Variants in SLC38A4 observed in about 807,000 individuals in gnomAD.
SLC38A4 encodes the protein solute carrier family 38 member 4.
Under a neutral mutation model 63.1 loss-of-function variants are expected in SLC38A4, and 20 were observed. That is an observed-to-expected ratio of 0.32 (90% CI 0.22 to 0.46). SLC38A4 has a LOEUF of 0.46. Among genes scored for constraint, SLC38A4 ranks in the 20% least tolerant of loss-of-function variants. SLC38A4 has a pLI of 1.00. For synonymous variants in SLC38A4, 230 were observed against 225.5 expected, an observed-to-expected ratio of 1.02 and a Z score of -0.18; for missense variants, 526 against 663.6, an observed-to-expected ratio of 0.79 and a Z score of 2.28.
chr12:46,817,650 C>G (rs1228339625), intron 1 of SLC38A4, among the ~76,000 whole-genome samples: 1 of 151,840 alleles, frequency 6.6e-6, no homozygotes, highest in African/African-American at 2.4e-5. Flanking sequence ...AGCCTTTGGA[C>G]AAAAGGATCT....
At chr12:46,794,749 A>G (rs997313667) in intron 2 of SLC38A4, among the ~76,000 whole-genome samples, 2 of 151,970 alleles carry the variant, frequency 1.3e-5, no homozygotes, top group African/African-American at 4.8e-5. Context: ...AGTCATTCCA[A>G]TATAGAGAAT....
At chr12:46,828,997 T>C (rs1238069592), upstream of SLC38A4, among the ~76,000 whole-genome samples, 2 of 152,230 alleles carry the variant, frequency 1.3e-5, no homozygotes, top group Admixed American at 6.5e-5. Context: ...TGGTTGTCTT[T>C]ATTTTACTGC....
intron 14 of SLC38A4, 21 bp downstream of exon 14, chr12:46,775,028 A>G: frequency 6.2e-7 from 1 of 1,608,960 alleles, no homozygotes. Flanking sequence ...GGTTTCTTTC[A>G]TCAAAGTCTT....
chr12:46,805,637 C>T (rs1262657593), intron 1 of SLC38A4, among the ~76,000 whole-genome samples: 2 of 151,978 alleles, frequency 1.3e-5, no homozygotes, highest in Admixed American at 6.6e-5. Flanking sequence ...TAGACTTGTG[C>T]TGTTTTGAAT....
At chr12:46,776,192 A>G (rs1938521192) in intron 13 of SLC38A4, among the ~76,000 whole-genome samples, 1 of 152,078 alleles carries the variant, frequency 6.6e-6, no homozygotes, top group African/African-American at 2.4e-5. Flanking sequence ...ATGTAAACAT[A>G]TGCTACCAGG....
At chr12:46,825,167 T>C (rs982580952) in intron 1 of SLC38A4, among the ~76,000 whole-genome samples, 1 of 148,062 alleles carries the variant, frequency 6.8e-6, no homozygotes, top group Non-Finnish European at 1.5e-5. Context: ...ATTACTTTAA[T>C]ATACGAAGTT....
At position 46,788,031 on chromosome 12, in the gene SLC38A4, G is replaced by T. The variant is rs1180959335; in HGVS notation, c.211C>A (p.His71Asn). 1 of 1,610,622 alleles carries T rather than the reference G, an allele frequency of 6.2e-7. No individual in the cohort carries two copies. Among genetic ancestry groups the T allele is most frequent in the Non-Finnish European group, 8.5e-7 (1 of 1,177,078 alleles). ...ATTCCAAAGGAAGTGGTTCCGGGAT[G>T]CTTGAAAAAGAAGGGATGTATTATA... ...KKLADYADEH[H>N]PGTTSFGMSS... The change falls in exon 5 of 17, where the codon CAT becomes AAT. Residue 71 changes from histidine to asparagine, a missense_variant and splice_region_variant. By Grantham distance (68) the His-to-Asn change is moderately conservative. Transcript: ENST00000266579.
At chr12:46,822,398 G>A (rs1939567868) in intron 1 of SLC38A4, among the ~76,000 whole-genome samples, 1 of 152,076 alleles carries the variant, frequency 6.6e-6, no homozygotes, top group Non-Finnish European at 1.5e-5. Context: ...CTTCCTAGTT[G>A]ATAGGCATAA....
At chr12:46,812,515 A>C (rs1939360184) in intron 1 of SLC38A4, among the ~76,000 whole-genome samples, 1 of 152,028 alleles carries the variant, frequency 6.6e-6, no homozygotes, top group Non-Finnish European at 1.5e-5. Context: ...TGACTCCATA[A>C]ATTACTAGCT....
upstream of SLC38A4, among the ~76,000 whole-genome samples, chr12:46,826,964 T>C (rs1939666030): frequency 6.6e-6 from 1 of 152,236 alleles, no homozygotes; most frequent in South Asian, 2.1e-4. Context: ...CTTCCTTCAT[T>C]CATTCAACAA....
At chr12:46,805,766 G>A (rs79020793) in intron 1 of SLC38A4, among the ~76,000 whole-genome samples, 9,083 of 152,026 alleles carry the variant, frequency 0.06, 339 homozygotes, top group Middle Eastern at 0.11. Flanking sequence ...TGAAAAATAC[G>A]TAAGTAGTGA....
At chr12:46,799,180 C>T (rs1939077888) in intron 2 of SLC38A4, among the ~76,000 whole-genome samples, 1 of 152,080 alleles carries the variant, frequency 6.6e-6, no homozygotes, top group Non-Finnish European at 1.5e-5. Flanking sequence ...ATTTCATATG[C>T]ATAATTAGAC....
intron 5 of SLC38A4, 55 bp from the exon 6 acceptor site, chr12:46,785,232 T>G (rs1280251313): frequency 7.6e-7 from 1 of 1,318,500 alleles, no homozygotes; most frequent in Non-Finnish European, 1.1e-6. Context: ...TAAAATGTAA[T>G]TATGTTAGAT....
rs530769160 is a variant in SLC38A4 at position 46,784,851 on chromosome 12, A to G, written c.401-217T>C. Among the ~76,000 whole-genome samples the G allele has an allele frequency of 3.3e-5, 5 of 152,260 alleles. No homozygotes were observed. In the East Asian group the frequency reaches 9.7e-4, roughly 29 times the overall value. Reference sequence around the variant, plus strand: ...TTATTTATTTTAGCTGCATGTAGCAAGTCAAAACAGTTATTTCTATCATAT... The same window carrying G: ...TTATTTATTTTAGCTGCATGTAGCAGGTCAAAACAGTTATTTCTATCATAT... On this transcript the variant is annotated intron_variant, in intron 6 of 16. Transcript: ENST00000266579.
intron 7 of SLC38A4, among the ~76,000 whole-genome samples, chr12:46,783,049 T>TGC (rs1555170928): frequency 7.4e-6 from 1 of 134,292 alleles, no homozygotes; most frequent in East Asian, 2.3e-4. Flanking sequence ...TGTGTGTGTG[T>TGC]GTGTGTGTGT....
At position 46,793,233 on chromosome 12, in the gene SLC38A4, A is replaced by C. The variant is rs540057685; in HGVS notation, c.-112-50T>G. ...CATTATAATTTTATTTAAATGAAAT[A>C]AGTGAATATGAATCATCTACATTTT... On this transcript the variant is annotated intron_variant, in intron 2 of 16. Transcript: ENST00000266579. 45 of 470,684 alleles carry C rather than the reference A, an allele frequency of 9.6e-5. 1 individual carries two copies. The South Asian group carries it at 1.1e-3, about 11-fold the overall frequency. 29.2% of individuals were successfully genotyped at this position (470,684 alleles called of 1,614,324 possible). A position where few individuals can be genotyped will look rare whatever the true frequency, so the allele number is the denominator to read the frequency against.
chr12:46,783,677 C>T (rs1938697687), intron 7 of SLC38A4, among the ~76,000 whole-genome samples: 1 of 152,042 alleles, frequency 6.6e-6, no homozygotes, highest in African/African-American at 2.4e-5. Context: ...CGCTGACATC[C>T]AGATTTCTGC....
intron 3 of SLC38A4, among the ~76,000 whole-genome samples, chr12:46,789,496 G>C (rs760484419): frequency 5.1e-4 from 78 of 152,120 alleles, no homozygotes; most frequent in Non-Finnish European, 9.6e-4. Context: ...GTACAACTTG[G>C]TTATAGAGCT....
intron 1 of SLC38A4, among the ~76,000 whole-genome samples, chr12:46,823,307 G>A (rs1431321825): frequency 1.3e-5 from 2 of 152,174 alleles, no homozygotes; most frequent in Non-Finnish European, 2.9e-5. Context: ...ACACACAGGA[G>A]ATATGACCCA....
Sources: gnomAD v4.1 joint callset for allele counts (sites outside exome capture counted in the v4.1 genomes callset) on GRCh38, gnomAD v4.1.1 for gene constraint, MANE v1.5 for transcripts, NCBI Gene and HGNC (gene_info 2026-07-23, HGNC 2026-07-21) for gene names.